NRCAM: variants seen among roughly 807,000 people sequenced by gnomAD.
The protein encoded by NRCAM is NgCAM-related cell adhesion molecule.
A neutral mutation model predicts 156.5 loss-of-function variants in NRCAM; 83 were observed. The ratio of observed to expected loss-of-function variants is 0.53; its 90% CI spans 0.44 to 0.64. The LOEUF (loss-of-function observed/expected upper bound fraction) is 0.64, where lower values mean the gene tolerates loss of function less well. Ranked by LOEUF, NRCAM falls within the 30% of genes least tolerant of loss-of-function variation. NRCAM has a pLI of 0.00. For missense variants in NRCAM, 1,417 were observed against 1,597.3 expected (o/e 0.89, Z 1.92); for synonymous variants, 538 against 563.9 (o/e 0.95, Z 0.65).
chr7:108,183,395 A>C (rs1218051185), intron 22 of NRCAM, among the ~76,000 whole-genome samples: 1 of 94,162 alleles, frequency 1.1e-5, no homozygotes, highest in Admixed American at 1.3e-4. Flanking sequence ...TACATGTCTA[A>C]GTATGCATGT....
rs1598754926 is a variant in NRCAM at position 108,455,546 on chromosome 7, G to A, written c.-332+697C>T. 3.9e-5 allele frequency among the ~76,000 whole-genome samples: 6 copies of A among 152,226 alleles called. No individual in the cohort carries two copies. In the South Asian group the frequency reaches 8.3e-4, roughly 21 times the overall value. On this transcript the variant is annotated intron_variant, in intron 1 of 32. Coordinates refer to ENST00000379028, the MANE Select transcript of NRCAM (RefSeq NM_001037132.4). ...GACTCCCGGGACCCGCACCTGTAAGGCCGACAAAGCCCCCGCAAGCGCCCC... is the reference window on the plus strand; with the variant it reads ...GACTCCCGGGACCCGCACCTGTAAGACCGACAAAGCCCCCGCAAGCGCCCC...
At chr7:108,165,315 C>T (rs999310923) in intron 30 of NRCAM, among the ~76,000 whole-genome samples, 6 of 152,078 alleles carry the variant, frequency 3.9e-5, no homozygotes, top group Non-Finnish European at 7.4e-5. Flanking sequence ...TCCTACTGGG[C>T]GACCTGGCAG....
intron 3 of NRCAM, among the ~76,000 whole-genome samples, chr7:108,309,493 T>C (rs986617441): frequency 6.6e-6 from 1 of 152,156 alleles, no homozygotes; most frequent in African/African-American, 2.4e-5. Flanking sequence ...ATTTGACTGG[T>C]ATCAACTAAA....
At chr7:108,249,311 T>C (rs1200791134) in intron 3 of NRCAM, among the ~76,000 whole-genome samples, 1 of 152,212 alleles carries the variant, frequency 6.6e-6, no homozygotes, top group Non-Finnish European at 1.5e-5. Context: ...CAGGGGAAGG[T>C]ATATTATCAC....
chr7:108,228,858 A>G (rs2093896307), intron 8 of NRCAM, among the ~76,000 whole-genome samples: 1 of 152,258 alleles, frequency 6.6e-6, no homozygotes, highest in South Asian at 2.1e-4. Flanking sequence ...GTAAAAGACT[A>G]GATTTACTTA....
intron 3 of NRCAM, chr7:108,243,343 AG>A (rs2095664870): frequency 6.6e-6 from 1 of 152,244 alleles, no homozygotes; most frequent in Admixed American, 6.5e-5. Flanking sequence ...ATAGAGCTAC[AG>A]AAGACTGAGA....
chr7:108,241,018 T>C (rs2095487882), intron 3 of NRCAM, among the ~76,000 whole-genome samples: 1 of 152,156 alleles, frequency 6.6e-6, no homozygotes, highest in Admixed American at 6.6e-5. Flanking sequence ...TTATCCACCA[T>C]ATTTTCTTAT....
At chr7:108,387,971 G>C (rs527808945) in intron 2 of NRCAM, among the ~76,000 whole-genome samples, 1 of 152,272 alleles carries the variant, frequency 6.6e-6, no homozygotes, top group Admixed American at 6.5e-5. Flanking sequence ...ATGGACATTT[G>C]AGTTGGTTCC....
chr7:108,190,362 T>C (rs1029333830), intron 19 of NRCAM, among the ~76,000 whole-genome samples: 1 of 152,204 alleles, frequency 6.6e-6, no homozygotes, highest in Non-Finnish European at 1.5e-5. Context: ...TGTCTGCCTC[T>C]TCTAATGGTG....
At chr7:108,210,287 C>T (rs1381639531) in intron 11 of NRCAM, among the ~76,000 whole-genome samples, 1 of 150,522 alleles carries the variant, frequency 6.6e-6, no homozygotes, top group African/African-American at 2.5e-5. Context: ...TGCTCTGTCA[C>T]CCAGGCTGGA....
At chr7:108,420,428 T>C (rs1233985129) in intron 1 of NRCAM, among the ~76,000 whole-genome samples, 1 of 152,192 alleles carries the variant, frequency 6.6e-6, no homozygotes, top group Non-Finnish European at 1.5e-5. Flanking sequence ...AATATATGAA[T>C]TGCTGATCTT....
At chr7:108,434,920 G>C (rs1416996267) in intron 1 of NRCAM, among the ~76,000 whole-genome samples, 2 of 152,020 alleles carry the variant, frequency 1.3e-5, no homozygotes, top group Non-Finnish European at 2.9e-5. Flanking sequence ...TCTCAGGGTA[G>C]AGAAAAGCAG....
At chr7:108,447,286 G>A (rs1845522816) in intron 1 of NRCAM, among the ~76,000 whole-genome samples, 1 of 79,730 alleles carries the variant, frequency 1.3e-5, no homozygotes, top group Admixed American at 1.8e-4. Flanking sequence ...TTTTTTTTTA[G>A]ACAGCGTCTC....
intron 11 of NRCAM, among the ~76,000 whole-genome samples, chr7:108,213,458 T>G (rs1163352898): frequency 6.6e-6 from 1 of 152,148 alleles, no homozygotes; most frequent in Non-Finnish European, 1.5e-5. Context: ...AGTGCTCCAC[T>G]TAAAAGATAC....
At chr7:108,381,090 G>A (rs2099698907) in intron 2 of NRCAM, among the ~76,000 whole-genome samples, 1 of 151,936 alleles carries the variant, frequency 6.6e-6, no homozygotes, top group African/African-American at 2.4e-5. Flanking sequence ...AAAAATGCTT[G>A]GCACTAATAC....
intron 28 of NRCAM, among the ~76,000 whole-genome samples, chr7:108,171,972 C>T (rs1423793644): frequency 2.0e-5 from 3 of 152,196 alleles, no homozygotes; most frequent in Non-Finnish European, 4.4e-5. Flanking sequence ...TCACCACTAG[C>T]TGATCCTCAA....
At position 108,269,173 on chromosome 7, in the gene NRCAM, A is replaced by G. The variant is rs560549911; in HGVS notation, c.-106-29003T>C. Among the ~76,000 whole-genome samples the G allele has an allele frequency of 3.0e-3, 454 of 152,084 alleles. 2 individuals carry two copies. Among genetic ancestry groups the G allele is most frequent in the African/African-American group, 0.01 (431 of 41,468 alleles). On this transcript the variant is annotated intron_variant, in intron 3 of 32. Coordinates refer to ENST00000379028, the MANE Select transcript of NRCAM (RefSeq NM_001037132.4). ...TCTTCGTGCTGTATTTGAAAAAAAA[A>G]AAAAAGAAAAAAGAAACTCAACAGT...
chr7:108,417,841 A>C (rs1563718461), intron 1 of NRCAM, among the ~76,000 whole-genome samples: 1 of 152,106 alleles, frequency 6.6e-6, no homozygotes, highest in Non-Finnish European at 1.5e-5. Flanking sequence ...ACGGACAGTC[A>C]CTCATTGCCC....
intron 2 of NRCAM, among the ~76,000 whole-genome samples, chr7:108,324,877 CTTTTTTTTT>C (rs60553976): frequency 1.7e-3 from 144 of 82,684 alleles, no homozygotes; most frequent in African/African-American, 6.7e-3. Context: ...TGGCACTGTA[CTTTTTTTTT>C]TTTTTTTTTT....
Sources: gnomAD v4.1 joint callset for allele counts (sites outside exome capture counted in the v4.1 genomes callset) on GRCh38, gnomAD v4.1.1 for gene constraint, MANE v1.5 for transcripts, NCBI Gene and HGNC (gene_info 2026-07-23, HGNC 2026-07-21) for gene names.